The following U2AF2 variants were observed in gnomAD, a reference collection of about 807,000 sequenced individuals.
U2AF2 encodes the protein U2 small nuclear RNA auxiliary factor 2, also known as splicing factor U2AF 65 kDa subunit.
A neutral mutation model predicts 52.6 loss-of-function variants in U2AF2; 6 were observed. The ratio of observed to expected loss-of-function variants is 0.11; its 90% CI spans 0.06 to 0.23. The LOEUF is 0.23. Ranked by LOEUF, U2AF2 falls within the 10% of genes least tolerant of loss-of-function variation. U2AF2 has a pLI of 1.00. For synonymous variants in U2AF2, 284 were observed against 258.2 expected, an observed-to-expected ratio of 1.10 and a Z score of -0.96; for missense variants, 222 against 677.1, an observed-to-expected ratio of 0.33 and a Z score of 7.46.
intron 7 of U2AF2, among the ~76,000 whole-genome samples, chr19:55,666,831 G>A (rs1984578754): frequency 6.6e-6 from 1 of 152,220 alleles, no homozygotes; most frequent in Non-Finnish European, 1.5e-5. Context: ...ATTCTTCCTT[G>A]GACCCAGGCA....
intron 7 of U2AF2, among the ~76,000 whole-genome samples, chr19:55,666,304 G>A (rs1201024301): frequency 6.6e-6 from 1 of 152,244 alleles, no homozygotes; most frequent in Non-Finnish European, 1.5e-5. Flanking sequence ...CTCTGCTCCA[G>A]GTGTGATGCT....
rs973720906 is a variant in U2AF2 at position 55,659,492 on chromosome 19, A to G, written c.185+147A>G. On this transcript the variant is annotated intron_variant, in intron 2 of 11. Coordinates refer to ENST00000308924, the MANE Select transcript of U2AF2 (RefSeq NM_007279.3). The stretch of plus-strand genomic sequence containing the variant: ...TTGTGTGGATCTGGGGGAGGGATCT[A>G]CTGCTTGGTCTGTCTTGGATTCCGA... 6.3e-6 allele frequency: 7 copies of G among 1,117,498 alleles called. No homozygotes were observed. In the African/African-American group the frequency reaches 1.0e-4, roughly 16 times the overall value. 69.2% of individuals were successfully genotyped at this position (1,117,498 alleles called of 1,614,324 possible).
At chr19:55,669,412 C>T in intron 10 of U2AF2, 32 bp from the exon 11 acceptor site, 1 of 1,568,714 alleles carries the variant, frequency 6.4e-7, no homozygotes, top group Non-Finnish European at 8.7e-7. Flanking sequence ...TCTGGGCCCC[C>T]TGTGACGCCG....
intron 5 of U2AF2, chr19:55,661,392 C>A: frequency 1.9e-6 from 1 of 515,736 alleles, no homozygotes; most frequent in Non-Finnish European, 3.3e-6. Flanking sequence ...TCCCCTCTCC[C>A]GTCTCCCCTC....
chr19:55,657,862 C>G (rs1054736264), intron 1 of U2AF2, among the ~76,000 whole-genome samples: 2 of 152,114 alleles, frequency 1.3e-5, no homozygotes, highest in African/African-American at 4.8e-5. Context: ...CTCTCTATAC[C>G]TTAGTTTCCT....
At chr19:55,660,895 G>A (rs187712482) in intron 4 of U2AF2, 143 bp from the exon 5 acceptor site, 2 of 1,370,806 alleles carry the variant, frequency 1.5e-6, no homozygotes, top group African/African-American at 1.5e-5. Flanking sequence ...GGCCCCGAGG[G>A]TGGAAAGAGG....
intron 5 of U2AF2, among the ~76,000 whole-genome samples, chr19:55,661,470 T>C (rs1422989698): frequency 1.6e-4 from 23 of 147,932 alleles, no homozygotes; most frequent in Non-Finnish European, 3.0e-5. Flanking sequence ...TGTACCTACG[T>C]GTCGGAGAGA....
chr19:55,656,970 C>T (rs545519006), intron 1 of U2AF2, among the ~76,000 whole-genome samples: 3 of 152,300 alleles, frequency 2.0e-5, no homozygotes, highest in South Asian at 2.1e-4. Context: ...GTAGATACGA[C>T]CCTCGTTTAA....
At chr19:55,656,246 C>T (rs1983787507) in intron 1 of U2AF2, among the ~76,000 whole-genome samples, 1 of 152,232 alleles carries the variant, frequency 6.6e-6, no homozygotes, top group African/African-American at 2.4e-5. Context: ...TTTCAGGCTT[C>T]AGCTGCCCAT....
At chr19:55,663,809 C>T (rs1984371416) in intron 7 of U2AF2, 65 bp downstream of exon 7, 5 of 1,595,972 alleles carry the variant, frequency 3.1e-6, no homozygotes, top group Non-Finnish European at 2.6e-6. Context: ...CTGTCCATCC[C>T]TTCAGCCCAG....
At chr19:55,658,479 C>T (rs371153449) in intron 1 of U2AF2, among the ~76,000 whole-genome samples, 101 of 152,270 alleles carry the variant, frequency 6.6e-4, no homozygotes, top group African/African-American at 2.4e-3. Flanking sequence ...ATACCCGCCC[C>T]TACTCACGCC....
chr19:55,655,215 C>T (rs1026761001), intron 1 of U2AF2, 62 bp downstream of exon 1: 2 of 1,536,362 alleles, frequency 1.3e-6, no homozygotes, highest in East Asian at 2.6e-5. Context: ...TCTTTGCCCC[C>T]CCGCCATTTT....
chr19:55,655,440 G>A (rs530436005), intron 1 of U2AF2, among the ~76,000 whole-genome samples: 10 of 152,238 alleles, frequency 6.6e-5, no homozygotes, highest in Admixed American at 2.0e-4. Flanking sequence ...CGGCACGAGC[G>A]CGCCAGATGC....
chr19:55,656,387 C>CT (rs1161509291), intron 1 of U2AF2, among the ~76,000 whole-genome samples: 3 of 152,232 alleles, frequency 2.0e-5, no homozygotes, highest in African/African-American at 7.2e-5. Context: ...GGGTCTGACT[C>CT]TGTCTTAGTT....
chr19:55,655,407 T>C (rs986188140), intron 1 of U2AF2, among the ~76,000 whole-genome samples: 1 of 152,136 alleles, frequency 6.6e-6, no homozygotes, highest in Admixed American at 6.5e-5. Context: ...CACGTGGTCC[T>C]GGCGGAGGTG....
intron 5 of U2AF2, chr19:55,662,258 T>C: frequency 2.4e-6 from 1 of 423,476 alleles, no homozygotes; most frequent in Non-Finnish European, 4.3e-6. Context: ...CCCCAACGCC[T>C]GTCCATCGCC....
At chr19:55,661,263 T>C in intron 5 of U2AF2, 74 bp downstream of exon 5, 1 of 1,387,616 alleles carries the variant, frequency 7.2e-7, no homozygotes, top group Non-Finnish European at 9.5e-7. Context: ...CCATTCCCTT[T>C]CCCCAACCTG....
chr19:55,657,243 C>T (rs1170105077), intron 1 of U2AF2, among the ~76,000 whole-genome samples: 2 of 152,212 alleles, frequency 1.3e-5, no homozygotes, highest in African/African-American at 4.8e-5. Flanking sequence ...ATAAGATGAC[C>T]ACAATACAGT....
intron 11 of U2AF2, 74 bp from the exon 12 acceptor site, chr19:55,673,860 C>T (rs1387890234): frequency 1.3e-6 from 2 of 1,544,380 alleles, no homozygotes; most frequent in African/African-American, 1.4e-5. Flanking sequence ...GCCTTCAGTG[C>T]TGGGGTTGGG....
Sources: gnomAD v4.1 joint callset for allele counts (sites outside exome capture counted in the v4.1 genomes callset) on GRCh38, gnomAD v4.1.1 for gene constraint, MANE v1.5 for transcripts, NCBI Gene and HGNC (gene_info 2026-07-23, HGNC 2026-07-21) for gene names.